LRRC49: variants seen among roughly 807,000 people sequenced by gnomAD.
LRRC49 encodes leucine rich repeat containing 49.
A neutral mutation model predicts 83.3 loss-of-function variants in LRRC49; 50 were observed. That is an observed-to-expected ratio of 0.60 (90% confidence interval 0.48 to 0.76). The LOEUF is 0.76. Ranked by LOEUF, LRRC49 falls within the 30% of genes least tolerant of loss-of-function variation. LRRC49 has a pLI of 0.00. For synonymous variants in LRRC49, 286 were observed against 283.3 expected (o/e 1.01, Z -0.10); for missense variants, 704 against 809.1 (o/e 0.87, Z 1.58).
chr15:70,865,591 A>G (rs974025920), intron 1 of LRRC49, among the ~76,000 whole-genome samples: 11 of 152,156 alleles, frequency 7.2e-5, no homozygotes, highest in African/African-American at 2.7e-4. Flanking sequence ...TAGTCCCTTC[A>G]CCATTTTATA....
chr15:70,924,545 T>C (rs1309782950), intron 7 of LRRC49, among the ~76,000 whole-genome samples: 1 of 151,994 alleles, frequency 6.6e-6, no homozygotes, highest in African/African-American at 2.4e-5. Flanking sequence ...TAGAATCATT[T>C]AATACAGTAA....
chr15:71,036,248 T>A (rs1488969266), intron 14 of LRRC49, among the ~76,000 whole-genome samples: 1 of 152,202 alleles, frequency 6.6e-6, no homozygotes, highest in African/African-American at 2.4e-5. Flanking sequence ...AAGCCCTTTG[T>A]CAGATGGATA....
Position 70,899,016 on chromosome 15 carries a change from T to C in LRRC49, c.194-1906T>C, listed in dbSNP as rs180685109. On this transcript the variant is annotated intron_variant, in intron 3 of 15. Coordinates refer to ENST00000260382, the MANE Select transcript of LRRC49 (RefSeq NM_017691.5). The stretch of plus-strand genomic sequence containing the variant: ...AGGCCTTTTACCCTAATCATTCTTA[T>C]GTCTTTCTATTTATTGTAAGCAGTA... 3.9e-3 allele frequency among the ~76,000 whole-genome samples: 591 copies of C among 152,344 alleles called. 3 individuals carry two copies. The highest frequency in any genetic ancestry group is 0.012 in the African/African-American group (493 of 41,576).
At chr15:70,896,012 C>T (rs2033821837) in intron 3 of LRRC49, 76 bp downstream of exon 3, 4 of 839,448 alleles carry the variant, frequency 4.8e-6, no homozygotes, top group Non-Finnish European at 7.4e-6. Context: ...TGTTGAATTA[C>T]TAGATCCAAA....
intron 10 of LRRC49, among the ~76,000 whole-genome samples, chr15:70,983,680 GA>G (rs2037486975): frequency 6.6e-6 from 1 of 151,916 alleles, no homozygotes; most frequent in Non-Finnish European, 1.5e-5. Context: ...TTATTGAGTA[GA>G]AAAACTAAAA....
intron 15 of LRRC49, among the ~76,000 whole-genome samples, chr15:71,043,564 G>A (rs1016542526): frequency 6.6e-6 from 1 of 152,172 alleles, no homozygotes; most frequent in African/African-American, 2.4e-5. Context: ...ATCCTGGACA[G>A]GCAGAGTGAG....
intron 15 of LRRC49, among the ~76,000 whole-genome samples, chr15:71,040,243 A>G (rs2039657402): frequency 6.6e-6 from 1 of 152,222 alleles, no homozygotes; most frequent in African/African-American, 2.4e-5. Flanking sequence ...GAAATTGCAT[A>G]GTGTTATGCT....
intron 10 of LRRC49, among the ~76,000 whole-genome samples, chr15:70,981,763 C>T (rs952544531): frequency 2.0e-5 from 3 of 152,080 alleles, no homozygotes; most frequent in Non-Finnish European, 4.4e-5. Flanking sequence ...CATTTATTGG[C>T]ACCTAGCTAT....
At chr15:70,858,599 G>A in intron 1 of LRRC49, 1 of 502,232 alleles carries the variant, frequency 2.0e-6, no homozygotes, top group Non-Finnish European at 3.5e-6. Context: ...GCGAGACTTG[G>A]TCTCAATTAA....
In LRRC49 at chr15:70,919,047, C is replaced by G; in HGVS notation, c.568-3C>G. ...ATCACCCTTCTCCTATTTTCTTTAACAGATTACCAAAATTGAAAATATTAA... is the reference window on the plus strand; with the variant it reads ...ATCACCCTTCTCCTATTTTCTTTAAGAGATTACCAAAATTGAAAATATTAA... On this transcript the variant is annotated splice_region_variant and splice_polypyrimidine_tract_variant and intron_variant, in intron 6 of 15. Transcript: ENST00000260382. 1 of 1,608,180 alleles carries G rather than the reference C, an allele frequency of 6.2e-7. No homozygotes were observed. The highest frequency in any genetic ancestry group is 1.1e-5 in the South Asian group (1 of 90,068).
chr15:70,858,967 A>G, intron 1 of LRRC49: 1 of 841,252 alleles, frequency 1.2e-6, no homozygotes. Flanking sequence ...CCCAACATCC[A>G]GGCTCTACAC....
intron 9 of LRRC49, among the ~76,000 whole-genome samples, chr15:70,969,319 TC>T (rs1174688016): frequency 6.6e-6 from 1 of 152,210 alleles, no homozygotes; most frequent in African/African-American, 2.4e-5. Flanking sequence ...TTCTGAGGGC[TC>T]TGTTCTGTTC....
intron 10 of LRRC49, among the ~76,000 whole-genome samples, chr15:70,982,549 A>T (rs977080848): frequency 6.6e-6 from 1 of 152,216 alleles, no homozygotes; most frequent in African/African-American, 2.4e-5. Flanking sequence ...CATATTAAAT[A>T]TAACCCACTG....
chr15:70,973,866 C>T lies in LRRC49; in HGVS notation c.922-6235C>T, dbSNP rs563615179. Among the ~76,000 whole-genome samples the T allele has an allele frequency of 5.3e-5, 8 of 152,184 alleles. No homozygotes were observed. In the South Asian group the frequency reaches 1.7e-3, roughly 32 times the overall value. On this transcript the variant is annotated intron_variant, in intron 9 of 15. Transcript: ENST00000260382. The stretch of plus-strand genomic sequence containing the variant: ...GTTTGTGGCCCAGTGCGGTGGCTTA[C>T]TCCTGTAATCCCAGTACTTTGGGAG...
At chr15:70,892,715 A>T (rs1398189609), upstream of LRRC49, 1 of 1,475,494 alleles carries the variant, frequency 6.8e-7, no homozygotes, top group Non-Finnish European at 9.0e-7. Flanking sequence ...GAATACAACT[A>T]GAAGCTGCAA....
At position 71,038,985 on chromosome 15, in the gene LRRC49, C is replaced by A. The variant is rs370861857; in HGVS notation, c.1857+1653C>A. Among the ~76,000 whole-genome samples the A allele has an allele frequency of 3.7e-4, 56 of 152,082 alleles. 1 individual carries two copies. In the East Asian group the frequency reaches 4.2e-3, roughly 12 times the overall value. ...CTAATGGAGGAGATAGACATATATA[C>A]GGATAAGTATCAATCAGTTTATCAA... On this transcript the variant is annotated intron_variant, in intron 15 of 15. Coordinates refer to ENST00000260382, the MANE Select transcript of LRRC49 (RefSeq NM_017691.5).
At chr15:71,044,709 C>G (rs1461554409) in intron 15 of LRRC49, among the ~76,000 whole-genome samples, 1 of 151,840 alleles carries the variant, frequency 6.6e-6, no homozygotes, top group African/African-American at 2.4e-5. Flanking sequence ...TCGTTTGAGC[C>G]TGGGAGGCAG....
chr15:70,859,951 G>A (rs566489036), intron 1 of LRRC49: 106 of 764,898 alleles, frequency 1.4e-4, no homozygotes, highest in African/African-American at 1.1e-3. Context: ...CAATCCATAC[G>A]AAGACCACCA....
At chr15:70,971,489 T>G (rs2036996934) in intron 9 of LRRC49, among the ~76,000 whole-genome samples, 1 of 152,252 alleles carries the variant, frequency 6.6e-6, no homozygotes, top group Admixed American at 6.5e-5. Flanking sequence ...TAGGTCCACA[T>G]GCTCCAGAGC....
Sources: allele counts gnomAD v4.1 joint callset (sites outside exome capture counted in the v4.1 genomes callset), GRCh38; gene constraint gnomAD v4.1.1; transcripts MANE v1.5; gene names NCBI Gene and HGNC (gene_info 2026-07-23, HGNC 2026-07-21).